GRK4: variants seen among roughly 807,000 people sequenced by gnomAD.
The protein encoded by GRK4 is G protein-coupled receptor kinase 4.
In GRK4, 73 loss-of-function variants were observed where a neutral mutation model predicts 77.9. The observed-to-expected ratio is 0.94, with a 90% confidence interval of 0.78 to 1.14. The LOEUF (loss-of-function observed/expected upper bound fraction) is 1.14, where lower values mean the gene tolerates loss of function less well. GRK4 is among the 50% of genes most tolerant of loss of function. The pLI is 0.00. For synonymous variants in GRK4, 257 were observed against 254.4 expected (o/e 1.01, Z -0.10); for missense variants, 729 against 700.2 (o/e 1.04, Z -0.46).
At chr4:3,007,948 C>T (rs749609114) in intron 6 of GRK4, 120 bp downstream of exon 6, 169 of 634,114 alleles carry the variant, frequency 2.7e-4, no homozygotes, top group Non-Finnish European at 4.2e-4. Flanking sequence ...GGCTATAGTA[C>T]GGGATGATCA....
intron 10 of GRK4, among the ~76,000 whole-genome samples, chr4:3,026,826 T>C (rs116439116): frequency 0.01 from 1,583 of 152,358 alleles, 20 homozygotes; most frequent in African/African-American, 0.032. Context: ...TGTTTTAAAA[T>C]GACTACAGTG....
chr4:2,977,189 A>G (rs1024692550), intron 1 of GRK4, among the ~76,000 whole-genome samples: 3 of 152,190 alleles, frequency 2.0e-5, no homozygotes, highest in African/African-American at 4.8e-5. Context: ...TGCTGCTTAC[A>G]AAGCCAGCAA....
At chr4:2,966,633 T>C (rs1717790514) in intron 1 of GRK4, 1 of 152,158 alleles carries the variant, frequency 6.6e-6, no homozygotes, top group African/African-American at 2.4e-5. Flanking sequence ...TAGGGCTTTT[T>C]CCCAAGTTGA....
chr4:3,004,150 T>C, intron 4 of GRK4, 81 bp from the exon 5 acceptor site: 1 of 1,027,990 alleles, frequency 9.7e-7, no homozygotes, highest in Non-Finnish European at 1.5e-6. Context: ...GTTTCATTTT[T>C]TTACAATAAG....
chr4:3,002,688 A>G (rs1031430605), intron 4 of GRK4, among the ~76,000 whole-genome samples: 1 of 151,946 alleles, frequency 6.6e-6, no homozygotes, highest in Non-Finnish European at 1.5e-5. Flanking sequence ...GGACCACAGA[A>G]CAAGACTCCA....
intron 4 of GRK4, among the ~76,000 whole-genome samples, chr4:2,996,582 T>G (rs897903593): frequency 1.3e-5 from 2 of 151,900 alleles, no homozygotes; most frequent in African/African-American, 4.8e-5. Flanking sequence ...CTCTTAATGG[T>G]CCTACCTCCC....
At chr4:2,968,754 T>C (rs1718548739) in intron 1 of GRK4, among the ~76,000 whole-genome samples, 1 of 151,890 alleles carries the variant, frequency 6.6e-6, no homozygotes, top group South Asian at 2.1e-4. Context: ...CCAGGTGGCA[T>C]TGGTAGTTGC....
intron 14 of GRK4, 141 bp from the exon 15 acceptor site, chr4:3,038,235 C>T (rs954345273): frequency 3.1e-5 from 28 of 913,470 alleles, no homozygotes; most frequent in East Asian, 2.4e-5. Context: ...AAGGAGGAAC[C>T]CAGAAAAGGG....
intron 4 of GRK4, among the ~76,000 whole-genome samples, chr4:2,994,809 G>A (rs1298894787): frequency 6.6e-6 from 1 of 152,050 alleles, no homozygotes; most frequent in East Asian, 1.9e-4. Context: ...AAGTTCGGGG[G>A]TACATGTGCA....
chr4:2,964,194 G>T, intron 1 of GRK4, 72 bp downstream of exon 1: 1 of 1,169,196 alleles, frequency 8.6e-7, no homozygotes, highest in East Asian at 2.7e-5. Context: ...TGGCCCCCCT[G>T]AAGGAACCCG....
intron 9 of GRK4, among the ~76,000 whole-genome samples, chr4:3,020,356 T>C (rs1429034595): frequency 6.6e-6 from 1 of 152,118 alleles, no homozygotes; most frequent in Non-Finnish European, 1.5e-5. Context: ...TTTTTACTGG[T>C]TAAGTTGATC....
At chr4:3,019,540 G>T in intron 8 of GRK4, 101 bp from the exon 9 acceptor site, 5 of 1,008,104 alleles carry the variant, frequency 5.0e-6, no homozygotes, top group Non-Finnish European at 7.5e-6. Context: ...TGTTCTGATT[G>T]TAAACCTAAC....
intron 5 of GRK4, among the ~76,000 whole-genome samples, chr4:3,005,119 C>T (rs926147158): frequency 3.3e-5 from 5 of 151,754 alleles, no homozygotes; most frequent in African/African-American, 9.7e-5. Flanking sequence ...AGGAGAATTC[C>T]GAGGTAAAGC....
At chr4:2,965,244 C>T (rs755431235) in intron 1 of GRK4, 1 of 702,960 alleles carries the variant, frequency 1.4e-6, no homozygotes, top group South Asian at 1.5e-5. Context: ...TCTCTCTAGT[C>T]CTCTGCATCC....
At chr4:2,965,178 C>T in intron 1 of GRK4, 1 of 653,410 alleles carries the variant, frequency 1.5e-6, no homozygotes, top group South Asian at 1.7e-5. Flanking sequence ...GGATGTGAAT[C>T]CACTGAGCTG....
At chr4:3,033,014 TCA>T (rs1739588864) in intron 12 of GRK4, among the ~76,000 whole-genome samples, 1 of 152,180 alleles carries the variant, frequency 6.6e-6, no homozygotes, top group Non-Finnish European at 1.5e-5. Context: ...GTTTATTTTC[TCA>T]GTCAGGAGGC....
At chr4:2,967,717 GTGTTTTGTTTTATTTTTTTT>G (rs772345663) in intron 1 of GRK4, among the ~76,000 whole-genome samples, 1 of 150,468 alleles carries the variant, frequency 6.6e-6, no homozygotes, top group Non-Finnish European at 1.5e-5. Context: ...GTTTTTGTTG[GTGTTTTGTTTTATTTTTTTT>G]TCCTTGATAT....
At chr4:2,981,629 A>G (rs1226374891) in intron 1 of GRK4, among the ~76,000 whole-genome samples, 1 of 152,164 alleles carries the variant, frequency 6.6e-6, no homozygotes, top group Non-Finnish European at 1.5e-5. Flanking sequence ...GGTTTTTATA[A>G]GCTTCAGAGG....
intron 1 of GRK4, among the ~76,000 whole-genome samples, chr4:2,979,212 G>A (rs1248058121): frequency 8.7e-5 from 13 of 149,132 alleles, no homozygotes; most frequent in Admixed American, 8.0e-4. Flanking sequence ...GCAACAGAAC[G>A]AGACTCCGTC....
Sources: gnomAD v4.1 joint callset for allele counts (sites outside exome capture counted in the v4.1 genomes callset) on GRCh38, gnomAD v4.1.1 for gene constraint, MANE v1.5 for transcripts, NCBI Gene and HGNC (gene_info 2026-07-23, HGNC 2026-07-21) for gene names.